Variants in PCDHGA2 observed in about 807,000 individuals in gnomAD.
The protein encoded by PCDHGA2 is protocadherin gamma subfamily A, 2.
PCDHGA2 carries 40 observed loss-of-function variants against 59.2 expected under a neutral mutation model. That is an observed-to-expected ratio of 0.68 (90% CI 0.52 to 0.88). PCDHGA2 has a LOEUF of 0.88. Among genes scored for constraint, PCDHGA2 ranks in the 40% least tolerant of loss-of-function variants. The probability of loss-of-function intolerance (pLI) is 0.00; values close to 1 mark genes in which losing one functional copy is unlikely to be tolerated. For synonymous variants in PCDHGA2, 560 were observed against 526.0 expected, an observed-to-expected ratio of 1.06 and a Z score of -0.89; for missense variants, 1,226 against 1,204.0, an observed-to-expected ratio of 1.02 and a Z score of -0.27.
At chr5:141,414,691 T>A (rs2095777481) in intron 1 of PCDHGA2, 1 of 1,613,848 alleles carries the variant, frequency 6.2e-7, no homozygotes, top group African/African-American at 1.3e-5. Context: ...GGTACCTCTG[T>A]CCTCATACAT....
At chr5:141,388,412 T>G (rs1381904129) in intron 1 of PCDHGA2, 1 of 1,613,752 alleles carries the variant, frequency 6.2e-7, no homozygotes, top group African/African-American at 1.3e-5. Context: ...GTCCCAGTGA[T>G]CATTTCTCAC....
At chr5:141,404,205 A>G in intron 1 of PCDHGA2, 3 of 1,613,770 alleles carry the variant, frequency 1.9e-6, no homozygotes, top group Non-Finnish European at 1.7e-6. Context: ...GCCTCAGAAT[A>G]TAATATCACG....
chr5:141,392,865 G>A, intron 1 of PCDHGA2: 1 of 1,613,006 alleles, frequency 6.2e-7, no homozygotes, highest in Non-Finnish European at 8.5e-7. Flanking sequence ...CCTGCTGTGC[G>A]CGCTGCTGGG....
chr5:141,472,853 G>A (rs1283601489), intron 1 of PCDHGA2, among the ~76,000 whole-genome samples: 1 of 151,738 alleles, frequency 6.6e-6, no homozygotes, highest in Non-Finnish European at 1.5e-5. Flanking sequence ...GGGCATGGTG[G>A]CACATGCCTG....
Position 141,494,824 on chromosome 5 carries a change from G to A in PCDHGA2, c.2442G>A (p.Thr814=), listed in dbSNP as rs1423741889. The A allele has an allele frequency of 1.8e-5, 29 of 1,613,924 alleles. No homozygotes were observed. Among genetic ancestry groups the A allele is most frequent in the Non-Finnish European group, 2.4e-5 (28 of 1,180,032 alleles). Residue 814 remains threonine (T), a synonymous_variant, in exon 2 of 4, where the codon ACG becomes ACA. Transcript: ENST00000394576. The part of the protein sequence containing the change: ...ETFSQQAPPN[T]DWRFSQAQRP... ...CTCCACAGCAAGCCCCGCCCAACAC[G>A]GACTGGCGTTTCTCTCAGGCCCAGA...
intron 1 of PCDHGA2, among the ~76,000 whole-genome samples, chr5:141,347,786 C>CAA (rs1186221035): frequency 6.6e-5 from 7 of 106,268 alleles, no homozygotes; most frequent in Non-Finnish European, 7.9e-5. Flanking sequence ...GACTCCATCT[C>CAA]AAAAAAAAAA....
At chr5:141,374,100 G>C (rs767728339) in intron 1 of PCDHGA2, 7 of 1,564,992 alleles carry the variant, frequency 4.5e-6, no homozygotes, top group Non-Finnish European at 6.1e-6. Flanking sequence ...CCTCCGCAGA[G>C]GCATCCGCAG....
At chr5:141,496,146 G>A (rs749790409) in intron 2 of PCDHGA2, among the ~76,000 whole-genome samples, 1 of 151,170 alleles carries the variant, frequency 6.6e-6, no homozygotes, top group Non-Finnish European at 1.5e-5. Flanking sequence ...GCCTTTGATC[G>A]CAGCTCTCCA....
chr5:141,474,608 T>G (rs1469173973), intron 1 of PCDHGA2, among the ~76,000 whole-genome samples: 1 of 152,268 alleles, frequency 6.6e-6, no homozygotes, highest in Non-Finnish European at 1.5e-5. Flanking sequence ...AGGTCACATA[T>G]GGCTTTTCAT....
rs561359605 is a variant in PCDHGA2 at position 141,400,125 on chromosome 5, G to A, written c.2424+58730G>A. ...TGGTCTTTGCTGACAGCTTGCAGGA[G>A]GTGCTGCCGGATATCACTGACCGCC... On this transcript the variant is annotated intron_variant, in intron 1 of 3. Coordinates refer to ENST00000394576, the MANE Select transcript of PCDHGA2 (RefSeq NM_018915.4). The A allele has an allele frequency of 2.5e-4, 399 of 1,614,072 alleles. 3 individuals are homozygous for A. In the Admixed American group the frequency reaches 6.3e-3, roughly 26 times the overall value.
At chr5:141,395,264 A>G in intron 1 of PCDHGA2, 1 of 1,549,832 alleles carries the variant, frequency 6.5e-7, no homozygotes, top group Non-Finnish European at 8.7e-7. Flanking sequence ...GCTTGCTTTT[A>G]ATTTCCAGAT....
chr5:141,350,249 A>AG, intron 1 of PCDHGA2: 3 of 1,506,754 alleles, frequency 2.0e-6, no homozygotes, highest in South Asian at 2.8e-5. Context: ...AGCTCCGCGG[A>AG]GAGTTCCTGA....
At chr5:141,402,212 A>C (rs1282581389) in intron 1 of PCDHGA2, among the ~76,000 whole-genome samples, 1 of 152,138 alleles carries the variant, frequency 6.6e-6, no homozygotes, top group Non-Finnish European at 1.5e-5. Flanking sequence ...ACAAAAATTT[A>C]AAATAAACGT....
At chr5:141,357,195 C>T (rs1173372626) in intron 1 of PCDHGA2, 6 of 1,613,770 alleles carry the variant, frequency 3.7e-6, no homozygotes, top group South Asian at 2.2e-5. Context: ...TGGCTGTGGC[C>T]GACAGCATCC....
chr5:141,383,152 G>A lies in PCDHGA2; in HGVS notation c.2424+41757G>A, dbSNP rs200500982. 5.1e-5 allele frequency: 83 copies of A among 1,614,124 alleles called. No individual in the cohort carries two copies. The African/African-American group carries it at 8.8e-4, about 17-fold the overall frequency. Reference sequence around the variant, plus strand: ...CCTGAACCAGCGCAGCGGCAGCTTGGTCACTGCGGGCAGGATAGACCGGGA... The same window carrying A: ...CCTGAACCAGCGCAGCGGCAGCTTGATCACTGCGGGCAGGATAGACCGGGA... On this transcript the variant is annotated intron_variant, in intron 1 of 3. Coordinates refer to ENST00000394576, the MANE Select transcript of PCDHGA2 (RefSeq NM_018915.4).
chr5:141,403,442 G>A, intron 1 of PCDHGA2: 2 of 1,614,024 alleles, frequency 1.2e-6, no homozygotes, highest in Admixed American at 1.7e-5. Flanking sequence ...GGATGTTGGC[G>A]TGAACTCCCT....
At position 141,431,604 on chromosome 5, in the gene PCDHGA2, G is replaced by A; in HGVS notation, c.2425-63203G>A. On this transcript the variant is annotated intron_variant, in intron 1 of 3. Coordinates refer to ENST00000394576, the MANE Select transcript of PCDHGA2 (RefSeq NM_018915.4). The surrounding 1 kb of genome is among the most constrained non-coding windows in gnomAD (Gnocchi z 4.8). ...AATGCGGAAGTGAGGTATTCCTTCCGGTATGTGGACGACAAGGCGGCCCAA... is the reference window on the plus strand; with the variant it reads ...AATGCGGAAGTGAGGTATTCCTTCCAGTATGTGGACGACAAGGCGGCCCAA... 8 of 1,614,206 alleles carry A rather than the reference G, an allele frequency of 5.0e-6. No individual in the cohort carries two copies. Among genetic ancestry groups the A allele is most frequent in the Non-Finnish European group, 6.8e-6 (8 of 1,180,046 alleles).
intron 1 of PCDHGA2, among the ~76,000 whole-genome samples, chr5:141,353,412 A>G (rs1414392171): frequency 1.3e-5 from 2 of 152,176 alleles, no homozygotes; most frequent in Non-Finnish European, 2.9e-5. Context: ...ATCTTCATCA[A>G]TTACATTCTA....
chr5:141,500,277 C>T (rs1595660442), intron 2 of PCDHGA2, among the ~76,000 whole-genome samples: 1 of 151,718 alleles, frequency 6.6e-6, no homozygotes, highest in Non-Finnish European at 1.5e-5. Context: ...GGCGCAATCT[C>T]GGCTCACTGC....
Sources: allele counts gnomAD v4.1 joint callset (sites outside exome capture counted in the v4.1 genomes callset), GRCh38; gene constraint gnomAD v4.1.1; non-coding constraint Gnocchi (gnomAD v3.1); transcripts MANE v1.5; gene names NCBI Gene and HGNC (gene_info 2026-07-23, HGNC 2026-07-21).